Variants in FSTL5 observed in about 807,000 individuals in gnomAD.
FSTL5 encodes follistatin-related protein 5.
A neutral mutation model predicts 89.1 loss-of-function variants in FSTL5; 62 were observed. The observed-to-expected ratio is 0.70, with a 90% CI of 0.57 to 0.86. The LOEUF is 0.86. Among genes scored for constraint, FSTL5 ranks in the 40% least tolerant of loss-of-function variants. The pLI, the probability that FSTL5 is intolerant of heterozygous loss-of-function variation, is 0.00. For missense variants in FSTL5, 1,057 were observed against 1,001.6 expected, an observed-to-expected ratio of 1.06 and a Z score of -0.75; for synonymous variants, 383 against 346.2, an observed-to-expected ratio of 1.11 and a Z score of -1.18.
chr4:161,753,199 G>T (rs1303116881), intron 6 of FSTL5, among the ~76,000 whole-genome samples: 1 of 152,014 alleles, frequency 6.6e-6, no homozygotes, highest in Non-Finnish European at 1.5e-5. Flanking sequence ...TCACCTACTT[G>T]AACCACAATA....
intron 15 of FSTL5, among the ~76,000 whole-genome samples, chr4:161,438,143 A>T (rs1230367403): frequency 6.6e-6 from 1 of 152,222 alleles, no homozygotes; most frequent in Non-Finnish European, 1.5e-5. Flanking sequence ...AATGAATTTC[A>T]TTAAAGGCAG....
chr4:161,600,464 A>G (rs1374337059), intron 7 of FSTL5, among the ~76,000 whole-genome samples: 1 of 152,030 alleles, frequency 6.6e-6, no homozygotes. Context: ...TAAGTGACCT[A>G]CATAAACCGT....
chr4:161,390,579 T>C (rs1331691772), intron 15 of FSTL5, among the ~76,000 whole-genome samples: 4 of 152,072 alleles, frequency 2.6e-5, no homozygotes, highest in Non-Finnish European at 5.9e-5. Context: ...CCAGGCCTTG[T>C]CACCTGAGCA....
At chr4:161,784,207 A>T (rs1334445365) in intron 4 of FSTL5, among the ~76,000 whole-genome samples, 3 of 152,034 alleles carry the variant, frequency 2.0e-5, no homozygotes, top group Admixed American at 6.6e-5. Context: ...AAGTGCTTAG[A>T]TTACAGGTGT....
rs148099276 is a variant in FSTL5 at position 161,698,443 on chromosome 4, A to G, written c.728-41949T>C. 6.0e-3 allele frequency among the ~76,000 whole-genome samples: 916 copies of G among 152,326 alleles called. 13 individuals are homozygous for G. The highest frequency in any genetic ancestry group is 0.047 in the South Asian group (227 of 4,832). ...TAGGAGGAATAAGTTCAAGAGAGCT[A>G]CTACATAGACTTGTGACTATAGTCA... On this transcript the variant is annotated intron_variant, in intron 6 of 15. Transcript: ENST00000306100.
intron 8 of FSTL5, among the ~76,000 whole-genome samples, chr4:161,546,414 T>C (rs1043345716): frequency 2.9e-4 from 44 of 151,160 alleles, no homozygotes; most frequent in Non-Finnish European, 5.3e-4. Context: ...CTAAAGATGA[T>C]GAACTTTCTT....
chr4:161,778,860 A>G lies in FSTL5; in HGVS notation c.410-2786T>C, dbSNP rs138010592. ...TATTTATCTGAGTGCACAGGTGTGC[A>G]TCAGGAAGGAGAGAAATGTGTGATG... On this transcript the variant is annotated intron_variant, in intron 4 of 15. Transcript: ENST00000306100. Among the ~76,000 whole-genome samples, 747 of 152,348 alleles carry G rather than the reference A, an allele frequency of 4.9e-3. 5 individuals carry two copies. Among genetic ancestry groups the G allele is most frequent in the African/African-American group, 0.017 (712 of 41,598 alleles).
chr4:161,708,771 T>C (rs554354614), intron 6 of FSTL5, among the ~76,000 whole-genome samples: 76 of 152,298 alleles, frequency 5.0e-4, no homozygotes, highest in Non-Finnish European at 8.7e-4. Flanking sequence ...AAACAATGGC[T>C]TATCTTATTG....
chr4:161,957,197 A>AT (rs934318007), intron 3 of FSTL5, among the ~76,000 whole-genome samples: 2 of 151,868 alleles, frequency 1.3e-5, no homozygotes, highest in Admixed American at 6.6e-5. Context: ...AGATAGAGTG[A>AT]TTTTTTTTCA....
intron 6 of FSTL5, among the ~76,000 whole-genome samples, chr4:161,662,631 A>C (rs535161250): frequency 6.6e-6 from 1 of 152,336 alleles, no homozygotes; most frequent in African/African-American, 2.4e-5. Context: ...TAATGAAACC[A>C]GGGTTCTTTT....
intron 2 of FSTL5, among the ~76,000 whole-genome samples, chr4:162,110,521 A>G (rs1731394665): frequency 6.6e-6 from 1 of 151,838 alleles, no homozygotes; most frequent in African/African-American, 2.4e-5. Context: ...AAATTTTACA[A>G]ATATATAAAG....
intron 4 of FSTL5, among the ~76,000 whole-genome samples, chr4:161,806,946 C>G (rs570767000): frequency 7.9e-5 from 12 of 151,812 alleles, no homozygotes; most frequent in Non-Finnish European, 1.6e-4. Context: ...CATAGTAGAC[C>G]TATTAACATG....
rs373315485 is a variant in FSTL5 at position 161,811,755 on chromosome 4, C to T, written c.410-35681G>A. ...CTATGTGAAATCAGAAAATTTTATG[C>T]GCAATAATTCATCTAAATATTTAAT... is the stretch of plus-strand genomic sequence containing the variant. On this transcript the variant is annotated intron_variant, in intron 4 of 15. Transcript: ENST00000306100. Among the ~76,000 whole-genome samples, 32 of 152,178 alleles carry T rather than the reference C, an allele frequency of 2.1e-4. 1 individual carries two copies. The East Asian group carries it at 4.6e-3, about 22-fold the overall frequency.
At chr4:161,415,620 C>G (rs562666706) in intron 15 of FSTL5, among the ~76,000 whole-genome samples, 54 of 150,684 alleles carry the variant, frequency 3.6e-4, no homozygotes, top group African/African-American at 1.3e-3. Context: ...CTTTTACCTA[C>G]TCAAAAAGAG....
At chr4:161,907,716 C>T (rs1029094852) in intron 4 of FSTL5, among the ~76,000 whole-genome samples, 4 of 151,944 alleles carry the variant, frequency 2.6e-5, no homozygotes, top group Non-Finnish European at 5.9e-5. Context: ...GTAAGGTTGA[C>T]GATGAGGACT....
intron 4 of FSTL5, among the ~76,000 whole-genome samples, chr4:161,779,759 T>TTATATATATATATATATACA (rs1240577419): frequency 3.2e-5 from 1 of 31,184 alleles, no homozygotes; most frequent in Non-Finnish European, 5.0e-5. Flanking sequence ...ATTTGTAAAG[T>TTATATATATATATATATACA]TATATATATA....
intron 6 of FSTL5, among the ~76,000 whole-genome samples, chr4:161,719,935 C>G (rs1297448399): frequency 6.6e-6 from 1 of 151,948 alleles, no homozygotes; most frequent in East Asian, 1.9e-4. Flanking sequence ...ACGTAAGACT[C>G]AAAACTTTAA....
At chr4:161,994,737 T>C (rs1186924635) in intron 3 of FSTL5, among the ~76,000 whole-genome samples, 1 of 152,224 alleles carries the variant, frequency 6.6e-6, no homozygotes. Context: ...TTTTGTTTTT[T>C]TCTTCCAAAT....
At chr4:161,472,202 C>T (rs1379946676) in intron 13 of FSTL5, among the ~76,000 whole-genome samples, 1 of 152,130 alleles carries the variant, frequency 6.6e-6, no homozygotes, top group Non-Finnish European at 1.5e-5. Context: ...TGATCTCGAT[C>T]TCCTGACCTC....
Sources: allele counts gnomAD v4.1 joint callset (sites outside exome capture counted in the v4.1 genomes callset), GRCh38; gene constraint gnomAD v4.1.1; transcripts MANE v1.5; gene names NCBI Gene and HGNC (gene_info 2026-07-23, HGNC 2026-07-21).